The following NEGR1 variants were observed in gnomAD, a reference collection of about 807,000 sequenced individuals.
NEGR1 encodes the protein neuronal growth regulator 1, also known as IgLON family member 4.
Under a neutral mutation model 40.9 loss-of-function variants are expected in NEGR1, and 10 were observed. That is an observed-to-expected ratio of 0.24 (90% confidence interval 0.15 to 0.42). NEGR1 has a LOEUF of 0.42. Among genes scored for constraint, NEGR1 ranks in the 10% least tolerant of loss-of-function variants. The probability of loss-of-function intolerance (pLI) is 1.00; values close to 1 mark genes in which losing one functional copy is unlikely to be tolerated. For missense variants in NEGR1, 352 were observed against 438.9 expected (o/e 0.80, Z 1.77); for synonymous variants, 185 against 166.8 (o/e 1.11, Z -0.84).
intron 1 of NEGR1, among the ~76,000 whole-genome samples, chr1:72,168,552 T>C (rs559525207): frequency 6.6e-6 from 1 of 152,120 alleles, no homozygotes; most frequent in South Asian, 2.1e-4. Context: ...GAAAAAAACA[T>C]CCCACTCTAC....
intron 2 of NEGR1, among the ~76,000 whole-genome samples, chr1:71,928,680 T>A (rs1645825204): frequency 6.6e-6 from 1 of 151,702 alleles, no homozygotes; most frequent in Admixed American, 6.6e-5. Context: ...GATCCTGTCT[T>A]CATAAATTGC....
intron 4 of NEGR1, 95 bp downstream of exon 4, chr1:71,697,913 C>G: frequency 8.2e-7 from 1 of 1,222,580 alleles, no homozygotes. Flanking sequence ...CAATAGACAA[C>G]CTCTTAAAAA....
intron 6 of NEGR1, among the ~76,000 whole-genome samples, chr1:71,464,122 TTC>T (rs1346546930): frequency 6.6e-6 from 1 of 152,086 alleles, no homozygotes; most frequent in Non-Finnish European, 1.5e-5. Flanking sequence ...AGTTTTAGTC[TTC>T]TGTCAACAGC....
chr1:71,631,375 A>G (rs1650963554), intron 4 of NEGR1, among the ~76,000 whole-genome samples: 1 of 151,846 alleles, frequency 6.6e-6, no homozygotes, highest in South Asian at 2.1e-4. Context: ...GATGTCAGCT[A>G]ATTTACATTC....
At chr1:71,461,058 T>C (rs1179089913) in intron 6 of NEGR1, among the ~76,000 whole-genome samples, 1 of 152,182 alleles carries the variant, frequency 6.6e-6, no homozygotes, top group Non-Finnish European at 1.5e-5. Flanking sequence ...CAGGGCTTAC[T>C]TGTCTTCTTT....
intron 6 of NEGR1, among the ~76,000 whole-genome samples, chr1:71,424,113 T>C (rs1646414781): frequency 6.6e-6 from 1 of 151,972 alleles, no homozygotes; most frequent in African/African-American, 2.4e-5. Context: ...AAATTTGTTG[T>C]CATTTGATAA....
At position 72,212,898 on chromosome 1, in the gene NEGR1, A is replaced by G. The variant is rs79038183; in HGVS notation, c.176+69421T>C. 3.8e-3 allele frequency among the ~76,000 whole-genome samples: 580 copies of G among 152,050 alleles called. 3 individuals are homozygous for G. The highest frequency in any genetic ancestry group is 0.014 in the African/African-American group (564 of 41,522). On this transcript the variant is annotated intron_variant, in intron 1 of 6. Transcript: ENST00000357731. The stretch of plus-strand genomic sequence containing the variant: ...TAGTCTTTAAACAGGAGATCACCCT[A>G]TGTGTCAAGTGTATGATAAAGATGA...
intron 2 of NEGR1, among the ~76,000 whole-genome samples, chr1:71,932,911 C>T (rs568377166): frequency 6.1e-4 from 93 of 152,144 alleles, no homozygotes; most frequent in African/African-American, 2.2e-3. Flanking sequence ...TTATTTAGTA[C>T]TTGAATTGAC....
chr1:71,406,347 C>T lies in NEGR1; in HGVS notation c.*1099G>A, dbSNP rs1471627915. Reference sequence around the variant, plus strand: ...CTGTCCACAGGAGCACTGCCTCTGTCATACTAACTTAGCTGCCACAAAATA... The same window carrying T: ...CTGTCCACAGGAGCACTGCCTCTGTTATACTAACTTAGCTGCCACAAAATA... On this transcript the variant is annotated 3_prime_UTR_variant, in exon 7 of 7. Transcript: ENST00000357731. The T allele has an allele frequency of 6.6e-6, 1 of 151,860 alleles. No homozygotes were observed. Among genetic ancestry groups the T allele is most frequent in the African/African-American group, 2.4e-5 (1 of 41,408 alleles). 9.4% of individuals were successfully genotyped at this position (151,860 alleles called of 1,614,324 possible).
chr1:71,990,442 A>T (rs1646439322), intron 1 of NEGR1, among the ~76,000 whole-genome samples: 1 of 152,172 alleles, frequency 6.6e-6, no homozygotes, highest in Admixed American at 6.5e-5. Flanking sequence ...AAGATCCAAG[A>T]TCACATCCTC....
intron 6 of NEGR1, among the ~76,000 whole-genome samples, chr1:71,589,831 T>C (rs1649439122): frequency 6.6e-6 from 1 of 152,166 alleles, no homozygotes; most frequent in South Asian, 2.1e-4. Context: ...CAAATCTGTT[T>C]GTATCATTCC....
chr1:71,809,496 T>C (rs1218114746), intron 2 of NEGR1, among the ~76,000 whole-genome samples: 1 of 152,156 alleles, frequency 6.6e-6, no homozygotes, highest in Admixed American at 6.6e-5. Context: ...GTAATAAAAG[T>C]AAACCAAGTA....
intron 1 of NEGR1, among the ~76,000 whole-genome samples, chr1:72,245,715 T>C (rs138259356): frequency 3.3e-4 from 50 of 152,286 alleles, no homozygotes; most frequent in African/African-American, 9.9e-4. Context: ...CATTTCAACT[T>C]TGCATAAAAT....
chr1:72,079,879 T>G (rs1184128239), intron 1 of NEGR1, among the ~76,000 whole-genome samples: 2 of 152,076 alleles, frequency 1.3e-5, no homozygotes, highest in Non-Finnish European at 1.5e-5. Context: ...TTAAAAAATT[T>G]GGAGATCACT....
intron 5 of NEGR1, among the ~76,000 whole-genome samples, chr1:71,605,264 C>T (rs1650043690): frequency 6.6e-6 from 1 of 151,920 alleles, no homozygotes; most frequent in Non-Finnish European, 1.5e-5. Flanking sequence ...TATATGTATA[C>T]ATTGTGAAAT....
chr1:71,408,828 T>A (rs1557516314), intron 6 of NEGR1: 2 of 151,926 alleles, frequency 1.3e-5, no homozygotes, highest in South Asian at 4.1e-4. Context: ...CAGGAGCAGG[T>A]TTAGTCACAC....
intron 6 of NEGR1, among the ~76,000 whole-genome samples, chr1:71,549,320 T>G (rs1647999128): frequency 6.6e-6 from 1 of 151,758 alleles, no homozygotes; most frequent in Admixed American, 6.6e-5. Flanking sequence ...ACCGTCTTAT[T>G]ACTGTATTAT....
intron 1 of NEGR1, among the ~76,000 whole-genome samples, chr1:72,263,736 G>GCA (rs1014006399): frequency 6.6e-6 from 1 of 150,904 alleles, no homozygotes; most frequent in African/African-American, 2.4e-5. Context: ...ATATCTTTTG[G>GCA]CACACACACA....
chr1:71,495,993 A>G (rs569251889), intron 6 of NEGR1, among the ~76,000 whole-genome samples: 1 of 152,306 alleles, frequency 6.6e-6, no homozygotes, highest in African/African-American at 2.4e-5. Flanking sequence ...CAGAGGCTTC[A>G]TACTTTGGGA....
Sources: gnomAD v4.1 joint callset for allele counts (sites outside exome capture counted in the v4.1 genomes callset) on GRCh38, gnomAD v4.1.1 for gene constraint, MANE v1.5 for transcripts, NCBI Gene and HGNC (gene_info 2026-07-23, HGNC 2026-07-21) for gene names.